Variants in HOXC13 observed in about 807,000 individuals in gnomAD.
HOXC13 encodes the protein homeobox C13, also known as homeobox protein Hox-C13.
In HOXC13, 10 loss-of-function variants were observed where a neutral mutation model predicts 25.9. The observed-to-expected ratio is 0.39, with a 90% CI of 0.24 to 0.65. HOXC13 has a LOEUF of 0.65. Among genes scored for constraint, HOXC13 ranks in the 30% least tolerant of loss-of-function variants. The pLI, the probability that HOXC13 is intolerant of heterozygous loss-of-function variation, is 0.50. For synonymous variants in HOXC13, 233 were observed against 217.1 expected (o/e 1.07, Z -0.64); for missense variants, 439 against 478.3 (o/e 0.92, Z 0.77).
In HOXC13 at chr12:53,939,165, G is replaced by T; in HGVS notation, c.259G>T (p.Ala87Ser). The T allele has an allele frequency of 6.7e-7, 1 of 1,481,716 alleles. No homozygotes were observed. The highest frequency in any genetic ancestry group is 8.9e-7 in the Non-Finnish European group (1 of 1,126,778). 91.8% of individuals were successfully genotyped at this position (1,481,716 alleles called of 1,614,324 possible). A position where few individuals can be genotyped will look rare whatever the true frequency, so the allele number is the denominator to read the frequency against. The change falls in exon 1 of 2, where the codon GCC becomes TCC. Residue 87 changes from alanine (A) to serine (S), a missense_variant. Transcript: ENST00000243056. This position sits in a 1 kb window ranked among gnomAD's most constrained non-coding sequence, Gnocchi z 6.7. ...VLGRPPAPLGAPQGAVYTDIP... is the reference protein window; with the variant it reads ...VLGRPPAPLGSPQGAVYTDIP... ...GGGCCGCCCGCCGGCTCCCCTGGGCGCCCCTCAGGGCGCCGTCTATACGGA... is the reference window on the plus strand; with the variant it reads ...GGGCCGCCCGCCGGCTCCCCTGGGCTCCCCTCAGGGCGCCGTCTATACGGA...
Position 53,939,175 on chromosome 12 carries a change from G to T in HOXC13, c.269G>T (p.Gly90Val), listed in dbSNP as rs761588162. 2.0e-6 allele frequency: 3 copies of T among 1,506,748 alleles called. No individual in the cohort carries two copies. Among genetic ancestry groups the T allele is most frequent in the Non-Finnish European group, 2.6e-6 (3 of 1,135,284 alleles). The allele number at this position is 1,506,748 out of a possible 1,614,324, so 93.3% of individuals were successfully genotyped here. The change falls in exon 1 of 2, where the codon GGC (glycine) becomes GTC (valine). Residue 90 changes from glycine (G) to valine (V), a missense_variant. Transcript: ENST00000243056. This position sits in a 1 kb window ranked among gnomAD's most constrained non-coding sequence, Gnocchi z 6.7. The stretch of plus-strand genomic sequence containing the variant: ...CCGGCTCCCCTGGGCGCCCCTCAGG[G>T]CGCCGTCTATACGGACATCCCGGCC... Reference protein sequence around the residue: ...RPPAPLGAPQGAVYTDIPAPE... With the variant: ...RPPAPLGAPQVAVYTDIPAPE...
rs1201384023 is a variant in HOXC13, at chr12:53,945,881, G to A, written c.*625G>A. On this transcript the variant is annotated 3_prime_UTR_variant, in exon 2 of 2. Coordinates refer to ENST00000243056, the MANE Select transcript of HOXC13 (RefSeq NM_017410.3). This position sits in a 1 kb window ranked among gnomAD's most constrained non-coding sequence, Gnocchi z 4.4. Reference sequence around the variant, plus strand: ...AAAGCTGGAATTCCGTAAAAGCATTGACGCAGCCCCTACACTCCATCCCAA... The same window carrying A: ...AAAGCTGGAATTCCGTAAAAGCATTAACGCAGCCCCTACACTCCATCCCAA... The A allele has an allele frequency of 4.3e-6, 1 of 233,900 alleles. No homozygotes were observed. The highest frequency in any genetic ancestry group is 6.1e-5 in the East Asian group (1 of 16,412). The allele number at this position is 233,900 out of a possible 1,614,324, so 14.5% of individuals were successfully genotyped here.
At chr12:53,941,590 ACAAAACTC>A (rs1427299712) in intron 1 of HOXC13, among the ~76,000 whole-genome samples, 1 of 152,200 alleles carries the variant, frequency 6.6e-6, no homozygotes, top group African/African-American at 2.4e-5. Context: ...ACAAAACAAA[ACAAAACTC>A]CACTAAAAAT....
intron 1 of HOXC13, among the ~76,000 whole-genome samples, chr12:53,942,458 G>A (rs1181449637): frequency 6.6e-6 from 1 of 151,822 alleles, no homozygotes; most frequent in African/African-American, 2.4e-5. Context: ...GAACAGAGGG[G>A]CCCCGAAGCC....
rs953302389 is a variant in HOXC13 at position 53,945,372 on chromosome 12, A to C, written c.*116A>C. ...TATTTAATGTTAAGGAAAGAGAAGA[A>C]CCGCGCCGCCCGGAGGCAGAGAGGC... is the stretch of plus-strand genomic sequence containing the variant. On this transcript the variant is annotated 3_prime_UTR_variant, in exon 2 of 2. Transcript: ENST00000243056. The surrounding 1 kb of genome is among the most constrained non-coding windows in gnomAD (Gnocchi z 4.4). 7.8e-7 allele frequency: 1 copy of C among 1,282,742 alleles called. No homozygotes were observed. Among genetic ancestry groups the C allele is most frequent in the Non-Finnish European group, 1.1e-6 (1 of 926,424 alleles). The allele number at this position is 1,282,742 out of a possible 1,614,324, so 79.5% of individuals were successfully genotyped here. A position where few individuals can be genotyped will look rare whatever the true frequency, so the allele number is the denominator to read the frequency against.
At chr12:53,943,199 T>C (rs1052748275) in intron 1 of HOXC13, among the ~76,000 whole-genome samples, 1 of 152,222 alleles carries the variant, frequency 6.6e-6, no homozygotes, top group Admixed American at 6.5e-5. Flanking sequence ...AGATTCCTAA[T>C]CTTGTAAAAT....
At position 53,939,492 on chromosome 12, in the gene HOXC13, G is replaced by A. The variant is rs1408056853; in HGVS notation, c.586G>A (p.Gly196Arg). 2 of 1,609,930 alleles carry A rather than the reference G, an allele frequency of 1.2e-6. No individual in the cohort carries two copies. Among genetic ancestry groups the A allele is most frequent in the African/African-American group, 1.3e-5 (1 of 74,876 alleles). The change falls in exon 1 of 2, where the codon GGG (glycine) becomes AGG (arginine). Residue 196 changes from glycine (G) to arginine (R), a missense_variant. Transcript: ENST00000243056. The surrounding 1 kb of genome is among the most constrained non-coding windows in gnomAD (Gnocchi z 6.7). ...PGYLDVSVVP[G>R]ISGHPEPRHD... ...CTACCTGGACGTGTCGGTGGTGCCC[G>A]GGATCAGCGGGCACCCGGAGCCGCG... is the stretch of plus-strand genomic sequence containing the variant.
intron 1 of HOXC13, among the ~76,000 whole-genome samples, chr12:53,941,968 G>C (rs1938616950): frequency 6.6e-6 from 1 of 152,178 alleles, no homozygotes; most frequent in East Asian, 1.9e-4. Flanking sequence ...TCTCTCTACA[G>C]TGCCTCTGGC....
rs1274458513 is a variant in HOXC13, at chr12:53,946,070, G to A, written c.*814G>A. ...CCTCTCTCTCTCTCTAGGTGGTAAGGTTGGGGATTAGTCCAGGTACAGAAG... is the reference window on the plus strand; with the variant it reads ...CCTCTCTCTCTCTCTAGGTGGTAAGATTGGGGATTAGTCCAGGTACAGAAG... On this transcript the variant is annotated 3_prime_UTR_variant, in exon 2 of 2. Transcript: ENST00000243056. 4 of 230,846 alleles carry A rather than the reference G, an allele frequency of 1.7e-5. No homozygotes were observed. Among genetic ancestry groups the A allele is most frequent in the East Asian group, 1.2e-4 (2 of 16,320 alleles). The allele number at this position is 230,846 out of a possible 1,614,324, so 14.3% of individuals were successfully genotyped here.
At chr12:53,941,280 C>T (rs566498045) in intron 1 of HOXC13, among the ~76,000 whole-genome samples, 1 of 152,310 alleles carries the variant, frequency 6.6e-6, no homozygotes, top group Admixed American at 6.5e-5. Context: ...CTCTATCTCA[C>T]CAAAACACAA....
At position 53,946,075 on chromosome 12, in the gene HOXC13, G is replaced by C. The variant is rs1223697817; in HGVS notation, c.*819G>C. On this transcript the variant is annotated 3_prime_UTR_variant, in exon 2 of 2. Transcript: ENST00000243056. ...CTCTCTCTCTAGGTGGTAAGGTTGG[G>C]GATTAGTCCAGGTACAGAAGCAGAA... 2 of 230,772 alleles carry C rather than the reference G, an allele frequency of 8.7e-6. No individual in the cohort carries two copies. The highest frequency in any genetic ancestry group is 1.2e-4 in the East Asian group (2 of 16,284). The allele number at this position is 230,772 out of a possible 1,614,324, so 14.3% of individuals were successfully genotyped here.
Position 53,946,176 on chromosome 12 carries a change from T to C in HOXC13, c.*920T>C. Reference sequence around the variant, plus strand: ...TCAACAAAGTCCCTGTCCAGTCACCTTTCCATCAGGGCACTAGCCCAGGAA... The same window carrying C: ...TCAACAAAGTCCCTGTCCAGTCACCCTTCCATCAGGGCACTAGCCCAGGAA... On this transcript the variant is annotated 3_prime_UTR_variant, in exon 2 of 2. Transcript: ENST00000243056. 1 of 230,424 alleles carries C rather than the reference T, an allele frequency of 4.3e-6. No individual in the cohort carries two copies. The highest frequency in any genetic ancestry group is 8.6e-6 in the Non-Finnish European group (1 of 115,982). The allele number at this position is 230,424 out of a possible 1,614,324, so 14.3% of individuals were successfully genotyped here.
chr12:53,945,853 G>C lies in HOXC13; in HGVS notation c.*597G>C. On this transcript the variant is annotated 3_prime_UTR_variant, in exon 2 of 2. Coordinates refer to ENST00000243056, the MANE Select transcript of HOXC13 (RefSeq NM_017410.3). This position sits in a 1 kb window ranked among gnomAD's most constrained non-coding sequence, Gnocchi z 4.4. ...GCGTGATTGGAGTATGGATGTTTCCGTAAAAGCTGGAATTCCGTAAAAGCA... is the reference window on the plus strand; with the variant it reads ...GCGTGATTGGAGTATGGATGTTTCCCTAAAAGCTGGAATTCCGTAAAAGCA... The C allele has an allele frequency of 4.3e-6, 1 of 233,392 alleles. No individual in the cohort carries two copies. The highest frequency in any genetic ancestry group is 6.1e-5 in the East Asian group (1 of 16,350). The allele number at this position is 233,392 out of a possible 1,614,324, so 14.5% of individuals were successfully genotyped here.
Position 53,945,244 on chromosome 12 carries a change from C to T in HOXC13, c.981C>T (p.Leu327=), listed in dbSNP as rs757955244. ...KVVSKSKAPH[L]HST ...TCAGCAAATCGAAAGCGCCTCATCT[C>T]CACTCCACCTGACCACCCACCCGCT... is the stretch of plus-strand genomic sequence containing the variant. Residue 327 remains leucine (L), a synonymous_variant, in exon 2 of 2, where the codon CTC becomes CTT. Coordinates refer to ENST00000243056, the MANE Select transcript of HOXC13 (RefSeq NM_017410.3). The surrounding 1 kb of genome is among the most constrained non-coding windows in gnomAD (Gnocchi z 4.4). The T allele has an allele frequency of 1.2e-6, 2 of 1,614,080 alleles. No homozygotes were observed. The highest frequency in any genetic ancestry group is 1.7e-6 in the Non-Finnish European group (2 of 1,179,952).
rs1198602322 is a variant in HOXC13, at chr12:53,946,408, A to G, written c.*1152A>G. The G allele has an allele frequency of 4.6e-6, 1 of 219,750 alleles. No homozygotes were observed. Among genetic ancestry groups the G allele is most frequent in the Non-Finnish European group, 9.1e-6 (1 of 109,384 alleles). The allele number at this position is 219,750 out of a possible 1,614,324, so 13.6% of individuals were successfully genotyped here. A position where few individuals can be genotyped will look rare whatever the true frequency, so the allele number is the denominator to read the frequency against. ...AAAACAGTGTTCTTTTGAAATGTTC[A>G]TCAGGAATAGGCTTTTTTAAAAAAT... is the stretch of plus-strand genomic sequence containing the variant. On this transcript the variant is annotated 3_prime_UTR_variant, in exon 2 of 2. Transcript: ENST00000243056.
At chr12:53,943,576 C>A (rs1295512461) in intron 1 of HOXC13, among the ~76,000 whole-genome samples, 1 of 59,084 alleles carries the variant, frequency 1.7e-5, no homozygotes, top group African/African-American at 3.9e-5. Flanking sequence ...TCAAATGAGG[C>A]CATTGGACCC....
At chr12:53,944,111 T>G (rs1828170543) in intron 1 of HOXC13, among the ~76,000 whole-genome samples, 1 of 152,200 alleles carries the variant, frequency 6.6e-6, no homozygotes, top group South Asian at 2.1e-4. Context: ...ATGTAGACAG[T>G]TTCCTTCAGC....
At position 53,939,739 on chromosome 12, in the gene HOXC13, C is replaced by G; in HGVS notation, c.736+97C>G. ...CCCAACCACCCCCGCCGTCTGGCCC[C>G]GGCGCGCCCGCTCGGCTGGGCTGCC... On this transcript the variant is annotated intron_variant, in intron 1 of 1. Transcript: ENST00000243056. The surrounding 1 kb of genome is among the most constrained non-coding windows in gnomAD (Gnocchi z 6.7). 1 of 1,239,080 alleles carries G rather than the reference C, an allele frequency of 8.1e-7. No homozygotes were observed. The highest frequency in any genetic ancestry group is 1.0e-6 in the Non-Finnish European group (1 of 988,980). The allele number at this position is 1,239,080 out of a possible 1,614,324, so 76.8% of individuals were successfully genotyped here.
At position 53,939,194 on chromosome 12, in the gene HOXC13, C is replaced by A; in HGVS notation, c.288C>A (p.Ile96=). The A allele has an allele frequency of 1.3e-6, 2 of 1,526,312 alleles. No individual in the cohort carries two copies. Among genetic ancestry groups the A allele is most frequent in the South Asian group, 1.2e-5 (1 of 82,344 alleles). 94.5% of individuals were successfully genotyped at this position (1,526,312 alleles called of 1,614,324 possible). A position where few individuals can be genotyped will look rare whatever the true frequency, so the allele number is the denominator to read the frequency against. Residue 96 remains isoleucine, a synonymous_variant, in exon 1 of 2, where the codon ATC becomes ATA. Coordinates refer to ENST00000243056, the MANE Select transcript of HOXC13 (RefSeq NM_017410.3). This position sits in a 1 kb window ranked among gnomAD's most constrained non-coding sequence, Gnocchi z 6.7. The part of the protein sequence containing the change: ...GAPQGAVYTD[I]PAPEAARQCA... ...CTCAGGGCGCCGTCTATACGGACAT[C>A]CCGGCCCCGGAGGCGGCGCGCCAGT...
Sources: gnomAD v4.1 joint callset for allele counts (sites outside exome capture counted in the v4.1 genomes callset) on GRCh38, gnomAD v4.1.1 for gene constraint, Gnocchi (gnomAD v3.1) non-coding constraint, MANE v1.5 for transcripts, NCBI Gene and HGNC (gene_info 2026-07-23, HGNC 2026-07-21) for gene names.